TENM4: variants seen among roughly 807,000 people sequenced by gnomAD.
The protein encoded by TENM4 is teneurin transmembrane protein 4.
A neutral mutation model predicts 243.3 loss-of-function variants in TENM4; 82 were observed. The ratio of observed to expected loss-of-function variants is 0.34; its 90% CI spans 0.28 to 0.40. The LOEUF is 0.40. Ranked by LOEUF, TENM4 falls within the 10% of genes least tolerant of loss-of-function variation. The pLI is 1.00. For synonymous variants in TENM4, 1,412 were observed against 1,456.3 expected, an observed-to-expected ratio of 0.97 and a Z score of 0.69; for missense variants, 3,138 against 3,673.3, an observed-to-expected ratio of 0.85 and a Z score of 3.77.
Position 78,672,302 on chromosome 11 carries a change from C to A in TENM4, c.5524G>T (p.Asp1842Tyr). 6.2e-7 allele frequency: 1 copy of A among 1,611,372 alleles called. No homozygotes were observed. Among genetic ancestry groups the A allele is most frequent in the Non-Finnish European group, 8.5e-7 (1 of 1,177,660 alleles). The change falls in exon 31 of 34, where the codon GAC (aspartate) becomes TAC (tyrosine). Residue 1842 changes from aspartate (D) to tyrosine (Y), a missense_variant. Physicochemically the swap from Asp to Tyr is radical, Grantham distance 160. Transcript: ENST00000278550. The stretch of plus-strand genomic sequence containing the variant: ...TCTGTGCGTGTTACGCGATCAAAGT[C>A]CAGAGATAGGAGATTTCGGTTGTGA... ...RVHNRNLLSL[D>Y]FDRVTRTEKI...
At chr11:79,345,280 T>C (rs578255) in intron 1 of TENM4, among the ~76,000 whole-genome samples, 32,129 of 152,152 alleles carry the variant, frequency 0.21, 4,176 homozygotes, top group East Asian at 0.32. Context: ...TCAATGGATA[T>C]TCATTGTTCT....
At chr11:79,054,288 T>C (rs1385627268) in intron 6 of TENM4, among the ~76,000 whole-genome samples, 2 of 152,186 alleles carry the variant, frequency 1.3e-5, no homozygotes, top group African/African-American at 2.4e-5. Flanking sequence ...GTGACCTTGA[T>C]TAAGCCTCTG....
At chr11:79,439,934 G>A (rs1361952636) in intron 1 of TENM4, among the ~76,000 whole-genome samples, 3 of 152,024 alleles carry the variant, frequency 2.0e-5, no homozygotes, top group South Asian at 2.1e-4. Flanking sequence ...GCCCGGTGAG[G>A]AGAGGCGGGC....
intron 3 of TENM4, among the ~76,000 whole-genome samples, chr11:79,162,571 T>G (rs967942576): frequency 6.6e-6 from 1 of 152,164 alleles, no homozygotes; most frequent in African/African-American, 2.4e-5. Context: ...ATTTTCTAGC[T>G]CCACCGGAAT....
At chr11:79,424,928 C>T (rs1859016932) in intron 1 of TENM4, among the ~76,000 whole-genome samples, 1 of 152,102 alleles carries the variant, frequency 6.6e-6, no homozygotes, top group Non-Finnish European at 1.5e-5. Context: ...AATGAGACTC[C>T]ATTTCACACA....
intron 3 of TENM4, among the ~76,000 whole-genome samples, chr11:79,204,190 C>T (rs746909483): frequency 5.4e-4 from 82 of 151,992 alleles, no homozygotes; most frequent in Admixed American, 7.2e-4. Flanking sequence ...TTTTCTAAAA[C>T]GGATTCTGGT....
chr11:79,124,984 A>G (rs919229518), intron 4 of TENM4, among the ~76,000 whole-genome samples: 1 of 150,048 alleles, frequency 6.7e-6, no homozygotes, highest in African/African-American at 2.4e-5. Flanking sequence ...AGATTTTGGG[A>G]CCAGGAGTGG....
chr11:79,060,809 A>G (rs1374788590), intron 6 of TENM4, among the ~76,000 whole-genome samples: 1 of 152,196 alleles, frequency 6.6e-6, no homozygotes, highest in Non-Finnish European at 1.5e-5. Context: ...GCACATGTAC[A>G]GTGGTAGGCC....
chr11:78,820,387 C>T (rs951178072), intron 12 of TENM4, among the ~76,000 whole-genome samples: 4 of 152,190 alleles, frequency 2.6e-5, no homozygotes, highest in African/African-American at 9.7e-5. Context: ...AGCATTTGGC[C>T]TGGACCAGAG....
chr11:78,918,355 A>C (rs546919497), intron 6 of TENM4, among the ~76,000 whole-genome samples: 1 of 152,106 alleles, frequency 6.6e-6, no homozygotes, highest in Admixed American at 6.6e-5. Context: ...AAAGGTGTAC[A>C]TTCTGTGGGT....
intron 23 of TENM4, among the ~76,000 whole-genome samples, chr11:78,724,706 A>C (rs1012181400): frequency 6.6e-6 from 1 of 152,240 alleles, no homozygotes; most frequent in Non-Finnish European, 1.5e-5. Context: ...TGCCTGGAAC[A>C]GACCACGATC....
At position 79,422,066 on chromosome 11, in the gene TENM4, G is replaced by T. The variant is rs186290034; in HGVS notation, c.-321+18443C>A. 686 of 153,610 alleles carry T rather than the reference G, an allele frequency of 4.5e-3. 8 individuals carry two copies. Among genetic ancestry groups the T allele is most frequent in the African/African-American group, 0.015 (637 of 41,576 alleles). 9.5% of individuals were successfully genotyped at this position (153,610 alleles called of 1,614,324 possible). On this transcript the variant is annotated intron_variant, in intron 1 of 33. Transcript: ENST00000278550. ...CTGCAACAATCTTCCCATTCCCCCA[G>T]GATGCAATAACCAAGGGAACCACAT...
At chr11:78,843,862 G>A (rs1205655068) in intron 12 of TENM4, among the ~76,000 whole-genome samples, 2 of 152,186 alleles carry the variant, frequency 1.3e-5, no homozygotes, top group Non-Finnish European at 2.9e-5. Context: ...TGAAAGGGTG[G>A]CTGTGCCTTC....
At chr11:78,873,191 G>A (rs1859181254) in intron 9 of TENM4, among the ~76,000 whole-genome samples, 1 of 152,158 alleles carries the variant, frequency 6.6e-6, no homozygotes, top group African/African-American at 2.4e-5. Context: ...CACGGAGCAA[G>A]GCACTCATAT....
At chr11:78,899,706 A>C (rs747667552) in intron 7 of TENM4, among the ~76,000 whole-genome samples, 2 of 152,054 alleles carry the variant, frequency 1.3e-5, no homozygotes, top group Non-Finnish European at 2.9e-5. Flanking sequence ...TCTCACTTTT[A>C]TTAGTTCCTT....
chr11:79,424,886 A>G (rs1318769635), intron 1 of TENM4, among the ~76,000 whole-genome samples: 1 of 151,888 alleles, frequency 6.6e-6, no homozygotes, highest in African/African-American at 2.4e-5. Context: ...GTGAGCCGAG[A>G]TCACACCACT....
At position 79,128,854 on chromosome 11, in the gene TENM4, G is replaced by A. The variant is rs150035177; in HGVS notation, c.-66+19856C>T. Among the ~76,000 whole-genome samples the A allele has an allele frequency of 6.2e-3, 951 of 152,312 alleles. 11 individuals carry two copies. The highest frequency in any genetic ancestry group is 0.022 in the African/African-American group (899 of 41,572). ...ATGGTCAGGGACTTGGAAGAAGCAT[G>A]ATTGGAAAATTGGTGACAAAAAAAT... On this transcript the variant is annotated intron_variant, in intron 4 of 33. Coordinates refer to ENST00000278550, the MANE Select transcript of TENM4 (RefSeq NM_001098816.3).
At chr11:78,959,634 A>G (rs1424698060) in intron 6 of TENM4, among the ~76,000 whole-genome samples, 1 of 152,278 alleles carries the variant, frequency 6.6e-6, no homozygotes, top group East Asian at 1.9e-4. Flanking sequence ...GCTTATTACC[A>G]ACTTTTAGAG....
intron 4 of TENM4, among the ~76,000 whole-genome samples, chr11:79,102,545 C>T (rs938477726): frequency 6.6e-6 from 1 of 152,240 alleles, no homozygotes; most frequent in Non-Finnish European, 1.5e-5. Flanking sequence ...GCTCCTGGTA[C>T]CTGGTGGACA....
Sources: gnomAD v4.1 joint callset for allele counts (sites outside exome capture counted in the v4.1 genomes callset) on GRCh38, gnomAD v4.1.1 for gene constraint, MANE v1.5 for transcripts, NCBI Gene and HGNC (gene_info 2026-07-23, HGNC 2026-07-21) for gene names.